Variants in PTK2 observed in about 807,000 individuals in gnomAD.
The protein encoded by PTK2 is protein tyrosine kinase 2, also known as focal adhesion kinase 1.
In PTK2, 45 loss-of-function variants were observed where a neutral mutation model predicts 150.1. The observed-to-expected ratio is 0.30, with a 90% confidence interval of 0.24 to 0.38. The LOEUF (loss-of-function observed/expected upper bound fraction) is 0.38. Ranked by LOEUF, PTK2 falls within the 10% of genes least tolerant of loss-of-function variation. The pLI, the probability that PTK2 is intolerant of heterozygous loss-of-function variation, is 1.00. For synonymous variants in PTK2, 432 were observed against 449.2 expected (o/e 0.96, Z 0.48); for missense variants, 919 against 1,307.3 (o/e 0.70, Z 4.58).
At chr8:140,827,881 T>C (rs1324226000) in intron 8 of PTK2, among the ~76,000 whole-genome samples, 2 of 152,018 alleles carry the variant, frequency 1.3e-5, no homozygotes, top group African/African-American at 2.4e-5. Context: ...TAATTAAAAA[T>C]TGAGGCCAGG....
intron 2 of PTK2, among the ~76,000 whole-genome samples, chr8:140,892,827 C>T (rs1047868695): frequency 1.3e-5 from 2 of 151,960 alleles, no homozygotes; most frequent in Non-Finnish European, 2.9e-5. Flanking sequence ...ACAATCCAGA[C>T]AATTAATTAA....
chr8:140,804,161 T>C (rs1035019166), intron 10 of PTK2, among the ~76,000 whole-genome samples: 2 of 151,784 alleles, frequency 1.3e-5, no homozygotes, highest in Non-Finnish European at 2.9e-5. Context: ...CAATACAGAA[T>C]AACCTCTTAA....
At chr8:140,817,368 C>G (rs1427356481) in intron 10 of PTK2, among the ~76,000 whole-genome samples, 1 of 152,030 alleles carries the variant, frequency 6.6e-6, no homozygotes, top group Admixed American at 6.6e-5. Context: ...CGGTTTGGCA[C>G]ATTTATATAT....
chr8:140,671,679 C>T (rs962221875), intron 29 of PTK2, among the ~76,000 whole-genome samples: 5 of 149,250 alleles, frequency 3.4e-5, no homozygotes, highest in African/African-American at 7.4e-5. Flanking sequence ...TTTGGGAGGC[C>T]GAGGCGGGCG....
intron 8 of PTK2, among the ~76,000 whole-genome samples, chr8:140,819,439 T>C (rs1484332439): frequency 6.6e-6 from 1 of 152,168 alleles, no homozygotes; most frequent in Non-Finnish European, 1.5e-5. Context: ...TGCTTATCCA[T>C]AAAATAAAAT....
chr8:140,884,585 A>G (rs150719350), intron 3 of PTK2, among the ~76,000 whole-genome samples: 8 of 152,266 alleles, frequency 5.3e-5, no homozygotes, highest in Non-Finnish European at 8.8e-5. Context: ...ACCTAACAAT[A>G]AACACTGAAG....
intron 1 of PTK2, among the ~76,000 whole-genome samples, chr8:140,966,038 C>T (rs1194132404): frequency 1.5e-5 from 2 of 130,744 alleles, no homozygotes; most frequent in Non-Finnish European, 1.8e-5. Flanking sequence ...TTTCCATGCA[C>T]TCTGCCTTTC....
chr8:140,735,983 GT>G (rs1362929397), intron 21 of PTK2, among the ~76,000 whole-genome samples: 2 of 152,188 alleles, frequency 1.3e-5, no homozygotes, highest in African/African-American at 4.8e-5. Context: ...ACTGGTCACT[GT>G]TTTCCCCCAG....
intron 1 of PTK2, among the ~76,000 whole-genome samples, chr8:140,976,018 C>T (rs1342442170): frequency 6.6e-6 from 1 of 152,192 alleles, no homozygotes; most frequent in Non-Finnish European, 1.5e-5. Flanking sequence ...CTATTAACAA[C>T]ATTAGCACCT....
chr8:140,851,133 A>G (rs1219229266), intron 5 of PTK2, among the ~76,000 whole-genome samples: 1 of 152,238 alleles, frequency 6.6e-6, no homozygotes, highest in African/African-American at 2.4e-5. Flanking sequence ...CTTAGAGCCT[A>G]GCTGACTGAG....
At chr8:140,669,206 T>A (rs913870797) in intron 29 of PTK2, 3 of 151,158 alleles carry the variant, frequency 2.0e-5, no homozygotes, top group African/African-American at 7.3e-5. Flanking sequence ...CTAAGATAAC[T>A]TGAGTACTGA....
chr8:140,896,721 T>C (rs1377345503), intron 2 of PTK2, among the ~76,000 whole-genome samples: 1 of 148,196 alleles, frequency 6.7e-6, no homozygotes, highest in African/African-American at 2.5e-5. Context: ...CATTACCACT[T>C]GCGTACAGCA....
At chr8:140,997,569 C>A (rs1242354008) in intron 1 of PTK2, among the ~76,000 whole-genome samples, 4 of 152,220 alleles carry the variant, frequency 2.6e-5, no homozygotes, top group Admixed American at 6.5e-5. Context: ...CAGCCATCAC[C>A]ACTGAGGGAA....
chr8:140,887,120 C>T (rs1037798186), intron 3 of PTK2, among the ~76,000 whole-genome samples: 4 of 152,108 alleles, frequency 2.6e-5, no homozygotes, highest in Admixed American at 6.6e-5. Context: ...CTTGTCAGTG[C>T]GATTTTGTAA....
At chr8:140,898,009 G>T (rs886165457) in intron 2 of PTK2, among the ~76,000 whole-genome samples, 1 of 152,044 alleles carries the variant, frequency 6.6e-6, no homozygotes, top group African/African-American at 2.4e-5. Flanking sequence ...GAAATGAAAA[G>T]ATTTTAAAAC....
intron 1 of PTK2, among the ~76,000 whole-genome samples, chr8:140,949,155 T>C (rs182343520): frequency 6.6e-6 from 1 of 152,334 alleles, no homozygotes; most frequent in African/African-American, 2.4e-5. Context: ...TATTTCTTAA[T>C]ATTTCTTATG....
chr8:140,846,730 G>GATAT (rs768983643), intron 5 of PTK2, 52 bp from the exon 6 acceptor site: 45 of 1,275,250 alleles, frequency 3.5e-5, no homozygotes, highest in Non-Finnish European at 4.6e-5. Context: ...AAAAATATTA[G>GATAT]ATATATGCAT....
At chr8:140,779,089 C>T (rs866013336) in intron 14 of PTK2, among the ~76,000 whole-genome samples, 21 of 151,352 alleles carry the variant, frequency 1.4e-4, no homozygotes, top group African/African-American at 4.9e-4. Flanking sequence ...GGTGAAACCC[C>T]GTCGCTACTA....
At chr8:140,978,535 G>T (rs2100190167) in intron 1 of PTK2, among the ~76,000 whole-genome samples, 1 of 152,046 alleles carries the variant, frequency 6.6e-6, no homozygotes, top group Admixed American at 6.5e-5. Context: ...GGCCATCAGA[G>T]AAATGCAAAT....
Sources: allele counts gnomAD v4.1 joint callset (sites outside exome capture counted in the v4.1 genomes callset), GRCh38; gene constraint gnomAD v4.1.1; transcripts MANE v1.5; gene names NCBI Gene and HGNC (gene_info 2026-07-23, HGNC 2026-07-21).